SGCZ: variants seen among roughly 807,000 people sequenced by gnomAD.
SGCZ encodes zeta-sarcoglycan.
A neutral mutation model predicts 41.3 loss-of-function variants in SGCZ; 40 were observed. The ratio of observed to expected loss-of-function variants is 0.97; its 90% CI spans 0.75 to 1.26. The LOEUF (loss-of-function observed/expected upper bound fraction) is 1.26, where lower values mean the gene tolerates loss of function less well. Among genes scored for constraint, SGCZ ranks in the 50% most tolerant of loss-of-function variants. The pLI is 0.00. For synonymous variants in SGCZ, 206 were observed against 137.5 expected (o/e 1.50, Z -3.49); for missense variants, 552 against 369.8 (o/e 1.49, Z -4.04).
intron 5 of SGCZ, among the ~76,000 whole-genome samples, chr8:14,121,073 T>G (rs2030552503): frequency 6.6e-6 from 1 of 152,154 alleles, no homozygotes; most frequent in South Asian, 2.1e-4. Flanking sequence ...GACTGTGAAA[T>G]AGAGAAATAG....
At chr8:15,182,173 T>C (rs1800198793) in intron 1 of SGCZ, among the ~76,000 whole-genome samples, 1 of 152,200 alleles carries the variant, frequency 6.6e-6, no homozygotes, top group Non-Finnish European at 1.5e-5. Context: ...ACCTGATATT[T>C]CACAAATGTT....
chr8:14,979,874 G>A (rs773476428), intron 1 of SGCZ, among the ~76,000 whole-genome samples: 25 of 152,224 alleles, frequency 1.6e-4, no homozygotes, highest in East Asian at 3.9e-4. Context: ...AGTAAATTTC[G>A]TAAATCTAGT....
chr8:14,945,767 C>A (rs1468191855), intron 1 of SGCZ, among the ~76,000 whole-genome samples: 1 of 151,364 alleles, frequency 6.6e-6, no homozygotes, highest in African/African-American at 2.4e-5. Context: ...TTCTTCTGCC[C>A]TAGAACATCA....
At chr8:14,546,420 G>A (rs1166198784) in intron 2 of SGCZ, among the ~76,000 whole-genome samples, 2 of 152,188 alleles carry the variant, frequency 1.3e-5, no homozygotes, top group African/African-American at 4.8e-5. Flanking sequence ...TTTAACCAGT[G>A]CGAAGACTAA....
chr8:14,552,115 C>A (rs1339431630), intron 2 of SGCZ, among the ~76,000 whole-genome samples: 1 of 151,988 alleles, frequency 6.6e-6, no homozygotes, highest in East Asian at 1.9e-4. Context: ...TATAGTGTGG[C>A]AACTAGTCTT....
chr8:14,588,496 A>G (rs1188430163), intron 1 of SGCZ, among the ~76,000 whole-genome samples: 2 of 152,192 alleles, frequency 1.3e-5, no homozygotes, highest in Non-Finnish European at 2.9e-5. Context: ...TAGTTCACTA[A>G]TTAAAAATTT....
At chr8:14,291,968 T>C (rs922625047) in intron 3 of SGCZ, among the ~76,000 whole-genome samples, 10 of 152,090 alleles carry the variant, frequency 6.6e-5, no homozygotes, top group African/African-American at 9.7e-5. Flanking sequence ...AGAAAGGAGA[T>C]AATAATTGGC....
At chr8:14,160,127 G>A (rs536017710) in intron 5 of SGCZ, among the ~76,000 whole-genome samples, 1 of 152,176 alleles carries the variant, frequency 6.6e-6, no homozygotes, top group South Asian at 2.1e-4. Context: ...AAGCAGATAT[G>A]CTTTCTTTTG....
chr8:14,680,777 G>C (rs2117539195), intron 1 of SGCZ, among the ~76,000 whole-genome samples: 2 of 148,990 alleles, frequency 1.3e-5, no homozygotes, highest in Admixed American at 1.4e-4. Flanking sequence ...AGCCTGGTGA[G>C]GAGAGATACA....
chr8:14,894,074 T>C (rs1805112163), intron 1 of SGCZ, among the ~76,000 whole-genome samples: 1 of 152,162 alleles, frequency 6.6e-6, no homozygotes, highest in Admixed American at 6.6e-5. Context: ...ATAAGAAATA[T>C]TTAATTAATT....
At chr8:14,309,682 C>G in intron 3 of SGCZ, 1 of 1,610,068 alleles carries the variant, frequency 6.2e-7, no homozygotes, top group Non-Finnish European at 8.5e-7. Flanking sequence ...TAAGAAGACA[C>G]CTTCTGAGTA....
intron 2 of SGCZ, among the ~76,000 whole-genome samples, chr8:14,468,229 T>C (rs1478429482): frequency 6.6e-6 from 1 of 152,046 alleles, no homozygotes; most frequent in Non-Finnish European, 1.5e-5. Context: ...TAGAATGATA[T>C]ATACAGATTG....
intron 2 of SGCZ, among the ~76,000 whole-genome samples, chr8:14,492,399 A>G (rs532517438): frequency 1.3e-5 from 2 of 152,188 alleles, no homozygotes; most frequent in Admixed American, 1.3e-4. Context: ...AGTGCTTATT[A>G]TAACACTTAA....
chr8:14,146,811 G>T (rs1803535971), intron 5 of SGCZ, among the ~76,000 whole-genome samples: 1 of 142,278 alleles, frequency 7.0e-6, no homozygotes, highest in Admixed American at 7.0e-5. Flanking sequence ...GGCGGAGCTT[G>T]CAGTGAGCCG....
chr8:15,080,437 C>A (rs1234875472), intron 1 of SGCZ, among the ~76,000 whole-genome samples: 1 of 151,990 alleles, frequency 6.6e-6, no homozygotes, highest in African/African-American at 2.4e-5. Context: ...TGGTAGTGTG[C>A]GTTAGGGACT....
chr8:14,309,063 C>G, intron 3 of SGCZ: 1 of 1,400,028 alleles, frequency 7.1e-7, no homozygotes, highest in Middle Eastern at 2.6e-4. Flanking sequence ...AATTCCCCAA[C>G]TACAGAAGAG....
chr8:14,322,102 C>T (rs1228036630), intron 3 of SGCZ, among the ~76,000 whole-genome samples: 1 of 152,106 alleles, frequency 6.6e-6, no homozygotes. Context: ...AGTTCAGCCA[C>T]TGTGGAAGGC....
At chr8:14,197,512 C>T (rs1239243870) in intron 4 of SGCZ, among the ~76,000 whole-genome samples, 1 of 151,792 alleles carries the variant, frequency 6.6e-6, no homozygotes, top group Non-Finnish European at 1.5e-5. Context: ...TTTGAAAAAT[C>T]TACCAATATA....
chr8:14,567,937 C>T (rs931764894), intron 1 of SGCZ, among the ~76,000 whole-genome samples: 1 of 152,194 alleles, frequency 6.6e-6, no homozygotes, highest in Admixed American at 6.5e-5. Context: ...AAACTCTGGA[C>T]ATGCCGCTTT....
Sources: allele counts gnomAD v4.1 joint callset (sites outside exome capture counted in the v4.1 genomes callset), GRCh38; gene constraint gnomAD v4.1.1; transcripts MANE v1.5; gene names NCBI Gene and HGNC (gene_info 2026-07-23, HGNC 2026-07-21).